The following NCBP1 variants were observed in gnomAD, a reference collection of about 807,000 sequenced individuals.
The protein encoded by NCBP1 is nuclear cap-binding protein subunit 1.
NCBP1 carries 16 observed loss-of-function variants against 111.7 expected under a neutral mutation model. That is an observed-to-expected ratio of 0.14 (90% CI 0.10 to 0.22). The LOEUF (loss-of-function observed/expected upper bound fraction) is 0.22, where lower values mean the gene tolerates loss of function less well. NCBP1 is among the 10% of genes least tolerant of loss of function. NCBP1 has a pLI of 1.00. For synonymous variants in NCBP1, 304 were observed against 314.3 expected, an observed-to-expected ratio of 0.97 and a Z score of 0.35; for missense variants, 607 against 957.5, an observed-to-expected ratio of 0.63 and a Z score of 4.83.
rs575078322 is a variant in NCBP1 at position 97,641,443 on chromosome 9, GTAATGATTTTAAAATGATA to G, written c.124-118_124-100del. ...TAGCAATTGAAAGGACAGATGATTG[GTAATGATTTTAAAATGATA>G]GATTTTAAAATATGTATATATTTAC... On this transcript the variant is annotated intron_variant, in intron 2 of 22. Coordinates refer to ENST00000375147, the MANE Select transcript of NCBP1 (RefSeq NM_002486.5). The G allele has an allele frequency of 1.6e-3, 1,177 of 727,528 alleles. 6 individuals carry two copies. The African/African-American group carries it at 0.02, about 12-fold the overall frequency. The allele number at this position is 727,528 out of a possible 1,614,324, so 45.1% of individuals were successfully genotyped here.
At chr9:97,664,286 T>C (rs948284110) in intron 18 of NCBP1, 54 bp from the exon 19 acceptor site, 44 of 1,141,334 alleles carry the variant, frequency 3.9e-5, no homozygotes, top group African/African-American at 2.5e-4. Flanking sequence ...GTGGCACATA[T>C]ATATGTGTGT....
intron 1 of NCBP1, among the ~76,000 whole-genome samples, chr9:97,637,367 G>A (rs1827073242): frequency 6.6e-6 from 1 of 152,160 alleles, no homozygotes; most frequent in Non-Finnish European, 1.5e-5. Flanking sequence ...GTTACTATGG[G>A]ATATGCAGTC....
At chr9:97,649,291 C>G (rs1199893056) in intron 8 of NCBP1, among the ~76,000 whole-genome samples, 1 of 151,920 alleles carries the variant, frequency 6.6e-6, no homozygotes, top group African/African-American at 2.4e-5. Flanking sequence ...TGGGTACTAT[C>G]CTGTGTATTG....
chr9:97,651,533 C>T (rs547683064), intron 10 of NCBP1, among the ~76,000 whole-genome samples, 160 bp downstream of exon 10: 22 of 152,196 alleles, frequency 1.4e-4, no homozygotes, highest in African/African-American at 5.3e-4. Flanking sequence ...GGTTTTGGTG[C>T]TCTATTAGCC....
At chr9:97,635,414 C>CTTTT (rs5899316) in intron 1 of NCBP1, among the ~76,000 whole-genome samples, 4 of 141,962 alleles carry the variant, frequency 2.8e-5, no homozygotes, top group South Asian at 2.2e-4. Flanking sequence ...AATTCCCTCC[C>CTTTT]TTTTTTTTTT....
intron 1 of NCBP1, among the ~76,000 whole-genome samples, chr9:97,635,288 GA>G (rs1414380713): frequency 2.6e-5 from 4 of 152,162 alleles, no homozygotes; most frequent in African/African-American, 9.7e-5. Flanking sequence ...CAGCAAGAGC[GA>G]ATCCAGTCCG....
intron 3 of NCBP1, 139 bp downstream of exon 3, chr9:97,641,801 C>T: frequency 1.0e-6 from 1 of 957,078 alleles, no homozygotes; most frequent in Non-Finnish European, 1.4e-6. Flanking sequence ...ACAAATGAGC[C>T]AACCTTTGGC....
intron 8 of NCBP1, among the ~76,000 whole-genome samples, chr9:97,649,085 G>C (rs903710718): frequency 2.6e-5 from 4 of 152,148 alleles, no homozygotes; most frequent in African/African-American, 9.7e-5. Context: ...AGCCTGTCTT[G>C]TGATTATTCA....
chr9:97,655,611 G>A (rs1002295095), intron 12 of NCBP1, 91 bp from the exon 13 acceptor site: 5 of 1,029,918 alleles, frequency 4.9e-6, no homozygotes, highest in Non-Finnish European at 7.2e-6. Context: ...GTAAAGTCGG[G>A]TTTTATCTGT....
Position 97,663,054 on chromosome 9 carries a change from A to C in NCBP1, c.1797+7A>C, listed in dbSNP as rs564783835. ...CTGGAGGAACCATCCACAGGTAAAA[A>C]TTATTTAATTAGACATGTTGAAGCT... On this transcript the variant is annotated splice_region_variant and intron_variant, in intron 18 of 22. Transcript: ENST00000375147. The C allele has an allele frequency of 1.3e-6, 2 of 1,587,514 alleles. No homozygotes were observed. The highest frequency in any genetic ancestry group is 1.7e-6 in the Non-Finnish European group (2 of 1,160,674).
chr9:97,653,984 G>T (rs1366618554), intron 11 of NCBP1, 76 bp downstream of exon 11: 1 of 1,329,790 alleles, frequency 7.5e-7, no homozygotes, highest in Non-Finnish European at 1.0e-6. Context: ...CTGCTTGTGG[G>T]TTTAAATTTT....
chr9:97,665,381 T>C (rs2131365612), intron 19 of NCBP1, among the ~76,000 whole-genome samples: 1 of 152,346 alleles, frequency 6.6e-6, no homozygotes, highest in East Asian at 1.9e-4. Flanking sequence ...GGTTCCATTA[T>C]TGTCCACATT....
At chr9:97,651,814 A>G (rs1474603055) in intron 10 of NCBP1, among the ~76,000 whole-genome samples, 1 of 152,196 alleles carries the variant, frequency 6.6e-6, no homozygotes, top group Non-Finnish European at 1.5e-5. Context: ...ATTTCCTGTA[A>G]CACAAAGTGT....
intron 1 of NCBP1, 88 bp downstream of exon 1, chr9:97,634,003 G>A: frequency 7.2e-7 from 1 of 1,391,648 alleles, no homozygotes; most frequent in East Asian, 2.8e-5. Flanking sequence ...GAGACTGGAA[G>A]CTCTTCTCCC....
chr9:97,641,010 C>A, intron 2 of NCBP1, 128 bp downstream of exon 2: 1 of 612,964 alleles, frequency 1.6e-6, no homozygotes, highest in South Asian at 2.3e-5. Flanking sequence ...CATCTGTATC[C>A]CAAATTGAAT....
intron 1 of NCBP1, among the ~76,000 whole-genome samples, chr9:97,638,331 A>G (rs1421996277): frequency 1.3e-5 from 2 of 152,210 alleles, no homozygotes; most frequent in East Asian, 3.8e-4. Flanking sequence ...TTTGCAGTTC[A>G]GAGATGTGAC....
intron 15 of NCBP1, among the ~76,000 whole-genome samples, chr9:97,659,326 A>T (rs1053656002): frequency 6.6e-6 from 1 of 152,164 alleles, no homozygotes; most frequent in Non-Finnish European, 1.5e-5. Context: ...TGCAGATTAC[A>T]CTTAACACAG....
chr9:97,646,139 G>A (rs1222300644), intron 6 of NCBP1, among the ~76,000 whole-genome samples: 1 of 152,184 alleles, frequency 6.6e-6, no homozygotes, highest in Non-Finnish European at 1.5e-5. Flanking sequence ...CATTTCACAA[G>A]TGGAGAACCA....
At chr9:97,645,499 CT>C in intron 5 of NCBP1, 111 bp from the exon 6 acceptor site, 1 of 1,130,086 alleles carries the variant, frequency 8.8e-7, no homozygotes, top group Non-Finnish European at 1.3e-6. Flanking sequence ...AACCAGATGT[CT>C]TATTTAAGTC....
Sources: allele counts gnomAD v4.1 joint callset (sites outside exome capture counted in the v4.1 genomes callset), GRCh38; gene constraint gnomAD v4.1.1; transcripts MANE v1.5; gene names NCBI Gene and HGNC (gene_info 2026-07-23, HGNC 2026-07-21).